Variants in KPNA1 observed in about 807,000 individuals in gnomAD.
KPNA1 encodes karyopherin subunit alpha 1, also known as importin subunit alpha-5.
In KPNA1, 10 loss-of-function variants were observed where a neutral mutation model predicts 70.5. The observed-to-expected ratio is 0.14, with a 90% CI of 0.09 to 0.24. The LOEUF is 0.24. KPNA1 is among the 10% of genes least tolerant of loss of function. The pLI is 1.00. For synonymous variants in KPNA1, 192 were observed against 221.9 expected, an observed-to-expected ratio of 0.87 and a Z score of 1.20; for missense variants, 397 against 637.9, an observed-to-expected ratio of 0.62 and a Z score of 4.07.
At chr3:122,503,820 G>A (rs1337267823) in intron 1 of KPNA1, among the ~76,000 whole-genome samples, 1 of 151,938 alleles carries the variant, frequency 6.6e-6, no homozygotes, top group African/African-American at 2.4e-5. Flanking sequence ...AATTCTATTT[G>A]TTATATTTGT....
intron 10 of KPNA1, among the ~76,000 whole-genome samples, chr3:122,439,409 G>A (rs532760873): frequency 3.9e-4 from 59 of 152,150 alleles, no homozygotes; most frequent in Middle Eastern, 3.4e-3. Flanking sequence ...GGGCTGGTTT[G>A]GAACTCCTGG....
At chr3:122,509,976 T>C (rs954732826) in intron 1 of KPNA1, among the ~76,000 whole-genome samples, 17 of 152,088 alleles carry the variant, frequency 1.1e-4, no homozygotes, top group Non-Finnish European at 5.9e-5. Flanking sequence ...CTTCTAGAGA[T>C]TGGGGTAAAG....
chr3:122,463,073 C>T (rs1463722280), intron 4 of KPNA1, among the ~76,000 whole-genome samples: 4 of 152,012 alleles, frequency 2.6e-5, no homozygotes, highest in Non-Finnish European at 5.9e-5. Flanking sequence ...CAAAAAAGGC[C>T]GGGCGCAGTG....
intron 2 of KPNA1, among the ~76,000 whole-genome samples, chr3:122,479,859 C>T (rs2076550613): frequency 6.6e-6 from 1 of 152,154 alleles, no homozygotes; most frequent in African/African-American, 2.4e-5. Context: ...CAAAATCCTT[C>T]CCACAAATGT....
At position 122,427,072 on chromosome 3, in the gene KPNA1, G is replaced by A; in HGVS notation, c.1530C>T (p.Asp510=). The A allele has an allele frequency of 1.9e-6, 3 of 1,614,168 alleles. No individual in the cohort carries two copies. The highest frequency in any genetic ancestry group is 1.1e-5 in the South Asian group (1 of 91,088). The change falls in exon 14 of 14, where the codon GAC becomes GAT. Residue 510 remains aspartate (D), a synonymous_variant. Transcript: ENST00000344337. ...GGTCAACCTGGGGTGCAATGCTGCTGTCTTCATCTTCGGTCCCGAAGTAAT... is the reference window on the plus strand; with the variant it reads ...GGTCAACCTGGGGTGCAATGCTGCTATCTTCATCTTCGGTCCCGAAGTAAT... ...IEHYFGTEDE[D]SSIAPQVDLN...
At chr3:122,463,347 CAA>C (rs10575172) in intron 4 of KPNA1, among the ~76,000 whole-genome samples, 69,690 of 136,018 alleles carry the variant, frequency 0.51, 17,814 homozygotes, top group East Asian at 0.65. Flanking sequence ...GACTCCATCT[CAA>C]AAAAAAAAAA....
At chr3:122,445,173 C>T (rs556602534) in intron 9 of KPNA1, among the ~76,000 whole-genome samples, 15 of 152,266 alleles carry the variant, frequency 9.9e-5, no homozygotes, top group East Asian at 3.9e-4. Flanking sequence ...GTTAGACCAA[C>T]GGCTAACTAG....
At chr3:122,443,611 GAGAA>G (rs1438093030) in intron 9 of KPNA1, among the ~76,000 whole-genome samples, 1 of 152,132 alleles carries the variant, frequency 6.6e-6, no homozygotes, top group Non-Finnish European at 1.5e-5. Context: ...AAGAAATAAA[GAGAA>G]AGAGTACAAA....
chr3:122,479,632 C>T (rs2076548095), intron 2 of KPNA1, among the ~76,000 whole-genome samples: 4 of 151,888 alleles, frequency 2.6e-5, no homozygotes, highest in Admixed American at 1.3e-4. Flanking sequence ...TGGTGGTAGG[C>T]GCCTGTAATC....
At chr3:122,491,800 T>TTAG (rs141837328) in intron 2 of KPNA1, among the ~76,000 whole-genome samples, 75,545 of 148,736 alleles carry the variant, frequency 0.51, 19,710 homozygotes, top group East Asian at 0.65. Flanking sequence ...CATTTAATCG[T>TTAG]TAGTTATAAG....
chr3:122,457,912 G>A, intron 5 of KPNA1: 1 of 1,261,862 alleles, frequency 7.9e-7, no homozygotes, highest in Non-Finnish European at 1.0e-6. Flanking sequence ...AAACTCTGCA[G>A]AGAACAGTGC....
At chr3:122,436,614 G>A (rs2075992725) in intron 11 of KPNA1, among the ~76,000 whole-genome samples, 1 of 152,106 alleles carries the variant, frequency 6.6e-6, no homozygotes, top group Non-Finnish European at 1.5e-5. Flanking sequence ...ACTATTTCTT[G>A]GGTCTTGGTG....
At position 122,426,097 on chromosome 3, in the gene KPNA1, G is replaced by A. The variant is rs939989166; in HGVS notation, c.*888C>T. On this transcript the variant is annotated 3_prime_UTR_variant, in exon 14 of 14. Coordinates refer to ENST00000344337, the MANE Select transcript of KPNA1 (RefSeq NM_002264.4). ...TGATTGCATTTGGGAAAATTGGAGG[G>A]TTTTTTCGTCCTTAGTTTTTTTTAT... 1 of 152,174 alleles carries A rather than the reference G, an allele frequency of 6.6e-6. No homozygotes were observed. The highest frequency in any genetic ancestry group is 2.4e-5 in the African/African-American group (1 of 41,426). The allele number at this position is 152,174 out of a possible 1,614,324, so 9.4% of individuals were successfully genotyped here.
At chr3:122,487,941 G>C (rs1483633482) in intron 2 of KPNA1, among the ~76,000 whole-genome samples, 1 of 152,122 alleles carries the variant, frequency 6.6e-6, no homozygotes, top group Non-Finnish European at 1.5e-5. Context: ...ACAGTTAAGA[G>C]ACAGCACCAA....
chr3:122,435,210 T>C (rs966123301), intron 11 of KPNA1, among the ~76,000 whole-genome samples: 3 of 152,086 alleles, frequency 2.0e-5, no homozygotes, highest in Admixed American at 1.3e-4. Flanking sequence ...ACACACAAAA[T>C]TGTGGTAAAT....
chr3:122,472,267 A>T (rs1404902609), intron 2 of KPNA1, among the ~76,000 whole-genome samples: 1 of 152,210 alleles, frequency 6.6e-6, no homozygotes, highest in African/African-American at 2.4e-5. Context: ...TAAATTACAA[A>T]TCAATAACAG....
chr3:122,470,188 T>C (rs988213693), intron 2 of KPNA1, among the ~76,000 whole-genome samples: 1 of 152,338 alleles, frequency 6.6e-6, no homozygotes, highest in Non-Finnish European at 1.5e-5. Context: ...CTAATGTGTA[T>C]ATACATAAGA....
intron 2 of KPNA1, among the ~76,000 whole-genome samples, chr3:122,476,958 G>A (rs2076507916): frequency 6.6e-6 from 1 of 150,376 alleles, no homozygotes; most frequent in South Asian, 2.1e-4. Context: ...AAGTCAGTAT[G>A]TCAAAGAGAT....
At chr3:122,483,029 C>CCCA in intron 2 of KPNA1, 1 of 153,148 alleles carries the variant, frequency 6.5e-6, no homozygotes, top group South Asian at 2.1e-4. Flanking sequence ...GAAGGAAGAG[C>CCCA]CCAGGTGGAG....
Sources: allele counts gnomAD v4.1 joint callset (sites outside exome capture counted in the v4.1 genomes callset), GRCh38; gene constraint gnomAD v4.1.1; transcripts MANE v1.5; gene names NCBI Gene and HGNC (gene_info 2026-07-23, HGNC 2026-07-21).